SLC9A9: variants seen among roughly 807,000 people sequenced by gnomAD.
SLC9A9 encodes the protein sodium/hydrogen exchanger 9.
SLC9A9 carries 62 observed loss-of-function variants against 77.8 expected under a neutral mutation model. That is an observed-to-expected ratio of 0.80 (90% CI 0.65 to 0.98). The LOEUF (loss-of-function observed/expected upper bound fraction) is 0.98, where lower values mean the gene tolerates loss of function less well. Among genes scored for constraint, SLC9A9 ranks in the 50% least tolerant of loss-of-function variants. SLC9A9 has a pLI of 0.00. For synonymous variants in SLC9A9, 320 were observed against 283.5 expected, an observed-to-expected ratio of 1.13 and a Z score of -1.29; for missense variants, 775 against 774.9, an observed-to-expected ratio of 1.00 and a Z score of 0.00.
chr3:143,691,644 C>G (rs1933470818), intron 5 of SLC9A9, among the ~76,000 whole-genome samples: 1 of 152,068 alleles, frequency 6.6e-6, no homozygotes, highest in Middle Eastern at 3.2e-3. Flanking sequence ...CCAATTGTAG[C>G]TTTAGGTTCA....
chr3:143,406,446 C>G (rs930659349), intron 12 of SLC9A9, among the ~76,000 whole-genome samples: 4 of 151,410 alleles, frequency 2.6e-5, no homozygotes, highest in Admixed American at 6.6e-5. Context: ...GGCGCGATCT[C>G]GACTCACTGC....
intron 4 of SLC9A9, among the ~76,000 whole-genome samples, chr3:143,695,315 C>T (rs1358448450): frequency 6.6e-6 from 1 of 152,058 alleles, no homozygotes; most frequent in Non-Finnish European, 1.5e-5. Flanking sequence ...AGGTATTTCT[C>T]CTAATGCTGT....
At chr3:143,610,380 C>T (rs1335766416) in intron 6 of SLC9A9, among the ~76,000 whole-genome samples, 4 of 152,176 alleles carry the variant, frequency 2.6e-5, no homozygotes, top group Non-Finnish European at 4.4e-5. Flanking sequence ...CTCCTGGGCT[C>T]AAGCAATCTT....
chr3:143,400,258 G>A (rs1425621836), intron 12 of SLC9A9, among the ~76,000 whole-genome samples: 3 of 152,004 alleles, frequency 2.0e-5, no homozygotes, highest in African/African-American at 7.2e-5. Context: ...TGCTGTCATT[G>A]GGGAAAAATT....
chr3:143,510,250 T>C (rs1395930207), intron 9 of SLC9A9, among the ~76,000 whole-genome samples: 1 of 152,198 alleles, frequency 6.6e-6, no homozygotes, highest in Non-Finnish European at 1.5e-5. Context: ...GTCTTTAATC[T>C]CAAAACTAAA....
At chr3:143,314,049 T>C (rs2031118535) in intron 14 of SLC9A9, among the ~76,000 whole-genome samples, 2 of 152,330 alleles carry the variant, frequency 1.3e-5, no homozygotes, top group African/African-American at 4.8e-5. Flanking sequence ...ACTGTGCCTG[T>C]GCCCACCTGC....
Position 143,305,885 on chromosome 3 carries a change from G to T in SLC9A9, c.1605-36905C>A, listed in dbSNP as rs114806658. ...CCTGGCTTGTCTCAATTTCTCAGCT[G>T]TCAAGTGATGGAAAAGAATGCTTGC... On this transcript the variant is annotated intron_variant, in intron 14 of 15. Coordinates refer to ENST00000316549, the MANE Select transcript of SLC9A9 (RefSeq NM_173653.4). 2.5e-3 allele frequency among the ~76,000 whole-genome samples: 388 copies of T among 152,296 alleles called. 1 individual carries two copies. Among genetic ancestry groups the T allele is most frequent in the African/African-American group, 8.7e-3 (362 of 41,544 alleles).
chr3:143,805,632 G>A (rs1207368042), intron 2 of SLC9A9, among the ~76,000 whole-genome samples: 1 of 152,002 alleles, frequency 6.6e-6, no homozygotes, highest in African/African-American at 2.4e-5. Flanking sequence ...AGGTGAAAAT[G>A]GCCCATTCCT....
At chr3:143,846,768 C>CT (rs2009839997) in intron 1 of SLC9A9, among the ~76,000 whole-genome samples, 1 of 144,744 alleles carries the variant, frequency 6.9e-6, no homozygotes, top group African/African-American at 2.6e-5. Context: ...TGTTTTTTTT[C>CT]TTTTTTTAAT....
At chr3:143,299,974 C>T (rs1310425223) in intron 14 of SLC9A9, among the ~76,000 whole-genome samples, 4 of 152,172 alleles carry the variant, frequency 2.6e-5, no homozygotes, top group Non-Finnish European at 5.9e-5. Flanking sequence ...TTGGAAAAAG[C>T]ATAATTTAGA....
intron 9 of SLC9A9, among the ~76,000 whole-genome samples, chr3:143,538,563 C>A (rs149487302): frequency 4.1e-4 from 63 of 152,274 alleles, no homozygotes; most frequent in Non-Finnish European, 7.9e-4. Context: ...AGTCACAGAA[C>A]TTCACATTAA....
In SLC9A9 at chr3:143,762,494, G is replaced by A. The variant is rs2108833370; in HGVS notation, c.533+32507C>T. Among the ~76,000 whole-genome samples the A allele has an allele frequency of 2.0e-5, 3 of 152,196 alleles. No homozygotes were observed. The South Asian group carries it at 6.2e-4, about 32-fold the overall frequency. On this transcript the variant is annotated intron_variant, in intron 4 of 15. Coordinates refer to ENST00000316549, the MANE Select transcript of SLC9A9 (RefSeq NM_173653.4). ...CAAATAATTAAAATAGCCCCTGATG[G>A]AAGATTAACTTCTATATTCCCAAAT...
chr3:143,323,614 G>A (rs2031487863), intron 14 of SLC9A9, among the ~76,000 whole-genome samples: 2 of 152,136 alleles, frequency 1.3e-5, no homozygotes, highest in South Asian at 2.1e-4. Flanking sequence ...GACTTAAAGG[G>A]TGCAAAGATA....
In SLC9A9 at chr3:143,804,656, C is replaced by T. The variant is rs141894727; in HGVS notation, c.379-7753G>A. ...ACATGCTCACTAGTTTTCCTTACTC[C>T]CAAAATTCAATTTGCAAATGGGACC... On this transcript the variant is annotated intron_variant, in intron 2 of 15. Coordinates refer to ENST00000316549, the MANE Select transcript of SLC9A9 (RefSeq NM_173653.4). 7.0e-3 allele frequency among the ~76,000 whole-genome samples: 1,064 copies of T among 152,260 alleles called. 7 individuals are homozygous for T. Among genetic ancestry groups the T allele is most frequent in the Middle Eastern group, 0.037 (11 of 294 alleles).
chr3:143,503,845 G>A lies in SLC9A9; in HGVS notation c.1090-8397C>T, dbSNP rs2035965086. On this transcript the variant is annotated intron_variant, in intron 9 of 15. Transcript: ENST00000316549. ...AGGAAGCTTTGCTGATGACTGTGAA[G>A]TTGTTTTTGCACTTCTCATGATTTA... The A allele has an allele frequency of 8.7e-6, 3 of 345,336 alleles. No homozygotes were observed. The Admixed American group carries it at 1.1e-4, about 13-fold the overall frequency. The allele number at this position is 345,336 out of a possible 1,614,324, so 21.4% of individuals were successfully genotyped here.
At chr3:143,358,279 C>A (rs529538872) in intron 14 of SLC9A9, among the ~76,000 whole-genome samples, 1 of 152,230 alleles carries the variant, frequency 6.6e-6, no homozygotes, top group South Asian at 2.1e-4. Context: ...GTTGGCAATA[C>A]CTCAGTGCAC....
intron 14 of SLC9A9, among the ~76,000 whole-genome samples, chr3:143,346,118 C>A (rs573780044): frequency 2.0e-5 from 3 of 152,150 alleles, no homozygotes; most frequent in Non-Finnish European, 4.4e-5. Flanking sequence ...CACAGACAAA[C>A]CCAGCCTTAT....
At chr3:143,671,832 C>G (rs73868003) in intron 5 of SLC9A9, among the ~76,000 whole-genome samples, 87 of 152,332 alleles carry the variant, frequency 5.7e-4, no homozygotes, top group African/African-American at 2.0e-3. Context: ...GTGGGAGGTA[C>G]TCTGGTCTAA....
intron 11 of SLC9A9, among the ~76,000 whole-genome samples, chr3:143,492,831 T>G (rs984792520): frequency 9.9e-5 from 15 of 152,212 alleles, no homozygotes; most frequent in African/African-American, 3.1e-4. Flanking sequence ...TATTGTAAAC[T>G]CTCATGTATC....
Sources: allele counts gnomAD v4.1 joint callset (sites outside exome capture counted in the v4.1 genomes callset), GRCh38; gene constraint gnomAD v4.1.1; transcripts MANE v1.5; gene names NCBI Gene and HGNC (gene_info 2026-07-23, HGNC 2026-07-21).